MCTP2: variants seen among roughly 807,000 people sequenced by gnomAD.
The protein encoded by MCTP2 is multiple C2 and transmembrane domain-containing protein 2.
MCTP2 carries 132 observed loss-of-function variants against 111.6 expected under a neutral mutation model. The ratio of observed to expected loss-of-function variants is 1.18; its 90% CI spans 1.03 to 1.37. The LOEUF (loss-of-function observed/expected upper bound fraction) is 1.37. Ranked by LOEUF, MCTP2 falls within the 40% of genes most tolerant of loss-of-function variation. The probability of loss-of-function intolerance (pLI) is 0.00; values close to 1 mark genes in which losing one functional copy is unlikely to be tolerated. For synonymous variants in MCTP2, 395 were observed against 387.7 expected (o/e 1.02, Z -0.22); for missense variants, 1,183 against 1,067.9 (o/e 1.11, Z -1.50).
chr15:94,385,217 CT>C (rs1326859065), intron 13 of MCTP2, among the ~76,000 whole-genome samples: 1 of 151,982 alleles, frequency 6.6e-6, no homozygotes. Context: ...AAGTTGACTT[CT>C]TTTTTTCATA....
At chr15:94,375,379 A>G (rs932161925) in intron 12 of MCTP2, among the ~76,000 whole-genome samples, 3 of 152,050 alleles carry the variant, frequency 2.0e-5, no homozygotes, top group Non-Finnish European at 4.4e-5. Context: ...ACTCATCTTC[A>G]TTTTTCATGT....
chr15:94,244,318 G>T (rs927985658), intron 1 of MCTP2, among the ~76,000 whole-genome samples: 1 of 145,980 alleles, frequency 6.9e-6, no homozygotes, highest in African/African-American at 2.5e-5. Flanking sequence ...ATACACATAT[G>T]TATACACATG....
At chr15:94,339,504 G>GACTT (rs2077525897) in intron 5 of MCTP2, 72 bp downstream of exon 5, 3 of 1,299,378 alleles carry the variant, frequency 2.3e-6, no homozygotes, top group Non-Finnish European at 3.1e-6. Flanking sequence ...TGTCCTCTTA[G>GACTT]ACGTGAACTT....
At chr15:94,338,104 A>G (rs2077453771) in intron 4 of MCTP2, among the ~76,000 whole-genome samples, 1 of 152,230 alleles carries the variant, frequency 6.6e-6, no homozygotes, top group African/African-American at 2.4e-5. Context: ...AATTTTTGAT[A>G]TAATAGTCCT....
rs2074372496 is a variant in MCTP2 at position 94,476,601 on chromosome 15, CTGACAGATAGATAGATAGAT to C, written c.2471-94_2471-75del. 5.3e-6 allele frequency: 4 copies of C among 748,410 alleles called. No homozygotes were observed. The East Asian group carries it at 1.1e-4, about 20-fold the overall frequency. The allele number at this position is 748,410 out of a possible 1,614,324, so 46.4% of individuals were successfully genotyped here. A position where few individuals can be genotyped will look rare whatever the true frequency, so the allele number is the denominator to read the frequency against. ...AGATGCTAGATAGATAGATGATTGA[CTGACAGATAGATAGATAGAT>C]AGATAGATAGATAGATAGATAGATA... On this transcript the variant is annotated intron_variant, in intron 21 of 22. Coordinates refer to ENST00000357742, the MANE Select transcript of MCTP2 (RefSeq NM_001385001.1).
Position 94,239,379 on chromosome 15 carries a change from G to T in MCTP2, c.-66+7715G>T, listed in dbSNP as rs548538695. ...AATCTGGGGCTCAGGAGTGCTGCAG[G>T]CTCAATTATTATTTTCACTGGGTCA... On this transcript the variant is annotated intron_variant, in intron 1 of 22. Transcript: ENST00000357742. Among the ~76,000 whole-genome samples the T allele has an allele frequency of 3.0e-4, 45 of 152,286 alleles. 1 individual carries two copies. Among genetic ancestry groups the T allele is most frequent in the Middle Eastern group, 3.4e-3 (1 of 294 alleles).
chr15:94,271,793 C>T (rs2073919260), intron 1 of MCTP2, among the ~76,000 whole-genome samples: 2 of 152,068 alleles, frequency 1.3e-5, no homozygotes, highest in South Asian at 4.1e-4. Flanking sequence ...ATTTGTGAAA[C>T]ATATTCTTTT....
intron 8 of MCTP2, 30 bp downstream of exon 8, chr15:94,345,194 T>C (rs773063931): frequency 6.2e-6 from 10 of 1,601,756 alleles, no homozygotes; most frequent in Non-Finnish European, 8.5e-6. Flanking sequence ...CTTTAGATCA[T>C]TTGGTTAAAA....
chr15:94,367,055 T>C (rs1049743212), intron 10 of MCTP2, among the ~76,000 whole-genome samples: 5 of 152,366 alleles, frequency 3.3e-5, no homozygotes, highest in African/African-American at 1.2e-4. Context: ...GGGGAAACCC[T>C]GTGGCACTGT....
At chr15:94,424,849 C>T (rs886256880) in intron 17 of MCTP2, among the ~76,000 whole-genome samples, 40 of 152,178 alleles carry the variant, frequency 2.6e-4, no homozygotes, top group African/African-American at 9.4e-4. Flanking sequence ...ATCCCTCCTT[C>T]TTTGCTCTAT....
chr15:94,358,854 A>G lies in MCTP2; in HGVS notation c.1301+242A>G, dbSNP rs1344425873. 2.6e-5 allele frequency among the ~76,000 whole-genome samples: 4 copies of G among 152,358 alleles called. No individual in the cohort carries two copies. The East Asian group carries it at 7.7e-4, about 29-fold the overall frequency. The stretch of plus-strand genomic sequence containing the variant: ...TGTGTGTAAGGAATTATCTAAATAA[A>G]GTTAAGCTGCCATCTCAGACTATTC... On this transcript the variant is annotated intron_variant, in intron 10 of 22. Transcript: ENST00000357742.
chr15:94,257,569 G>GTTTTTTTTTTTTTTTTTTTTTTTT lies in MCTP2; in HGVS notation c.-66+25917_-66+25940dup, dbSNP rs760633548. 4.0e-3 allele frequency among the ~76,000 whole-genome samples: 137 copies of GTTTTTTTTTTTTTTTTTTTTTTTT among 33,830 alleles called. 25 individuals are homozygous for GTTTTTTTTTTTTTTTTTTTTTTTT. The highest frequency in any genetic ancestry group is 4.4e-3 in the Non-Finnish European group (81 of 18,292). 22.2% of individuals were successfully genotyped at this position (33,830 alleles called of 152,430 possible). On this transcript the variant is annotated intron_variant, in intron 1 of 22. Coordinates refer to ENST00000357742, the MANE Select transcript of MCTP2 (RefSeq NM_001385001.1). ...AATATTTGTTGTCATTTTCTTTGTTGTTTTTTTTTTTTTTTTTTTTTTTTT... is the reference window on the plus strand; with the variant it reads ...AATATTTGTTGTCATTTTCTTTGTTGTTTTTTTTTTTTTTTTTTTTTTTTTTTTTTTTTTTTTTTTTTTTTTTTT...
chr15:94,385,236 CT>C (rs2080389567), intron 13 of MCTP2, among the ~76,000 whole-genome samples, 186 bp from the exon 14 acceptor site: 2 of 152,044 alleles, frequency 1.3e-5, no homozygotes, highest in Admixed American at 6.6e-5. Flanking sequence ...ATATGGATGT[CT>C]GAATCTTCTA....
chr15:94,316,307 T>C (rs949013083), intron 4 of MCTP2, among the ~76,000 whole-genome samples: 4 of 152,246 alleles, frequency 2.6e-5, no homozygotes, highest in African/African-American at 9.6e-5. Context: ...TAGCTGTTTT[T>C]TTCCTTCTGT....
chr15:94,390,090 G>GTATATATATATA (rs1168909587), intron 14 of MCTP2, among the ~76,000 whole-genome samples: 4 of 64,920 alleles, frequency 6.2e-5, no homozygotes, highest in East Asian at 3.7e-4. Flanking sequence ...ATATATATAT[G>GTATATATATATA]TATATATATA....
At chr15:94,433,359 G>A (rs186155108) in intron 17 of MCTP2, among the ~76,000 whole-genome samples, 1 of 152,274 alleles carries the variant, frequency 6.6e-6, no homozygotes, top group Admixed American at 6.5e-5. Flanking sequence ...ACTGGTCGCT[G>A]CTGCACCTAT....
intron 4 of MCTP2, among the ~76,000 whole-genome samples, chr15:94,326,269 T>A (rs901284570): frequency 2.0e-5 from 3 of 152,256 alleles, no homozygotes; most frequent in African/African-American, 7.2e-5. Context: ...TAGGGCACCA[T>A]ACTTTGTTCA....
chr15:94,428,314 T>G lies in MCTP2; in HGVS notation c.2086-11862T>G, dbSNP rs186398877. Among the ~76,000 whole-genome samples, 6 of 152,340 alleles carry G rather than the reference T, an allele frequency of 3.9e-5. No homozygotes were observed. In the East Asian group the frequency reaches 1.2e-3, roughly 29 times the overall value. On this transcript the variant is annotated intron_variant, in intron 17 of 22. Transcript: ENST00000357742. The stretch of plus-strand genomic sequence containing the variant: ...AGACTGAAAGAATATATACGTTAAA[T>G]TATTCTACTGTCGTCTTGCTTTCCC...
chr15:94,248,881 G>A (rs1178262928), intron 1 of MCTP2, among the ~76,000 whole-genome samples: 1 of 152,186 alleles, frequency 6.6e-6, no homozygotes, highest in Non-Finnish European at 1.5e-5. Flanking sequence ...TGTGCTTTTT[G>A]TTGATTAACT....
Sources: allele counts gnomAD v4.1 joint callset (sites outside exome capture counted in the v4.1 genomes callset), GRCh38; gene constraint gnomAD v4.1.1; transcripts MANE v1.5; gene names NCBI Gene and HGNC (gene_info 2026-07-23, HGNC 2026-07-21).